GABBR2: variants seen among roughly 807,000 people sequenced by gnomAD.
GABBR2 encodes gamma-aminobutyric acid type B receptor subunit 2.
Under a neutral mutation model 105.6 loss-of-function variants are expected in GABBR2, and 23 were observed. The observed-to-expected ratio is 0.22, with a 90% CI of 0.16 to 0.31. The LOEUF (loss-of-function observed/expected upper bound fraction) is 0.31. Ranked by LOEUF, GABBR2 falls within the 10% of genes least tolerant of loss-of-function variation. The pLI is 1.00. For synonymous variants in GABBR2, 478 were observed against 499.7 expected (o/e 0.96, Z 0.58); for missense variants, 734 against 1,245.5 (o/e 0.59, Z 6.18).
At chr9:98,641,903 T>C (rs1448210490) in intron 1 of GABBR2, among the ~76,000 whole-genome samples, 1 of 152,150 alleles carries the variant, frequency 6.6e-6, no homozygotes, top group Non-Finnish European at 1.5e-5. Context: ...ATGTTAATTG[T>C]GCAGTAAGTA....
At chr9:98,417,718 CAG>C (rs1189505176) in intron 7 of GABBR2, among the ~76,000 whole-genome samples, 14 of 152,130 alleles carry the variant, frequency 9.2e-5, no homozygotes, top group African/African-American at 2.9e-4. Context: ...CCCAGTCTAA[CAG>C]AGATGACAGA....
intron 3 of GABBR2, among the ~76,000 whole-genome samples, chr9:98,513,187 A>G (rs1474195884): frequency 6.6e-6 from 1 of 152,052 alleles, no homozygotes; most frequent in African/African-American, 2.4e-5. Context: ...TGGTGCTGGG[A>G]AAACTGGCTA....
intron 1 of GABBR2, among the ~76,000 whole-genome samples, chr9:98,614,826 T>G (rs1288675804): frequency 1.3e-5 from 2 of 152,082 alleles, no homozygotes; most frequent in African/African-American, 4.8e-5. Context: ...AGATCAACCC[T>G]GCAGAACTTG....
intron 13 of GABBR2, among the ~76,000 whole-genome samples, chr9:98,360,018 C>G (rs1831554864): frequency 6.6e-6 from 1 of 152,176 alleles, no homozygotes; most frequent in Non-Finnish European, 1.5e-5. Context: ...ACAGCATGAG[C>G]AAAGGCTAGG....
chr9:98,294,048 G>A, intron 17 of GABBR2, 146 bp from the exon 18 acceptor site: 2 of 655,458 alleles, frequency 3.1e-6, no homozygotes, highest in Admixed American at 4.8e-5. Flanking sequence ...TGAGGTCTGT[G>A]TAGTGGCTCT....
At chr9:98,330,888 A>G (rs1831013623) in intron 13 of GABBR2, among the ~76,000 whole-genome samples, 2 of 152,082 alleles carry the variant, frequency 1.3e-5, no homozygotes, top group South Asian at 2.1e-4. Context: ...ACCCATATCC[A>G]TTAGCAATCA....
Position 98,460,893 on chromosome 9 carries a change from A to G in GABBR2, c.1000-6676T>C, listed in dbSNP as rs151059669. Among the ~76,000 whole-genome samples the G allele has an allele frequency of 1.0e-3, 157 of 152,286 alleles. 2 individuals carry two copies. The highest frequency in any genetic ancestry group is 3.5e-3 in the African/African-American group (147 of 41,556). On this transcript the variant is annotated intron_variant, in intron 6 of 18. Transcript: ENST00000259455. ...AGACCAAATCAAAAACAAAATCTTAAAATAACTAGAGGAAAAAAAGATGCA... is the reference window on the plus strand; with the variant it reads ...AGACCAAATCAAAAACAAAATCTTAGAATAACTAGAGGAAAAAAAGATGCA...
At chr9:98,406,060 A>G (rs765084888) in intron 8 of GABBR2, 21 bp downstream of exon 8, 17 of 1,323,450 alleles carry the variant, frequency 1.3e-5, no homozygotes, top group Admixed American at 6.9e-5. Context: ...AGCTAGAAAG[A>G]ATAAGCATCA....
intron 7 of GABBR2, among the ~76,000 whole-genome samples, chr9:98,434,387 G>T (rs1382407142): frequency 1.3e-5 from 2 of 152,138 alleles, no homozygotes; most frequent in Admixed American, 1.3e-4. Flanking sequence ...ACATGGTGGG[G>T]CTCAGGGCAC....
intron 2 of GABBR2, among the ~76,000 whole-genome samples, chr9:98,570,666 T>C (rs375930696): frequency 2.6e-5 from 4 of 152,028 alleles, no homozygotes; most frequent in African/African-American, 9.6e-5. Context: ...CCCCAAAAAC[T>C]GCAAACACAA....
Position 98,577,110 on chromosome 9 carries a change from G to A in GABBR2, c.459+825C>T, listed in dbSNP as rs1219022835. On this transcript the variant is annotated intron_variant, in intron 2 of 18. Transcript: ENST00000259455. ...TGTGTGGATGGATGGATAGCTGAAC[G>A]GGTGGATGGGTGGATGCATGGATGG... is the stretch of plus-strand genomic sequence containing the variant. Among the ~76,000 whole-genome samples the A allele has an allele frequency of 2.2e-5, 3 of 139,418 alleles. No homozygotes were observed. The Admixed American group carries it at 2.2e-4, about 10-fold the overall frequency. The allele number at this position is 139,418 out of a possible 152,430, so 91.5% of individuals were successfully genotyped here.
At chr9:98,479,124 C>A (rs1421703356) in intron 5 of GABBR2, among the ~76,000 whole-genome samples, 1 of 152,076 alleles carries the variant, frequency 6.6e-6, no homozygotes, top group Non-Finnish European at 1.5e-5. Flanking sequence ...GGTCCTCCTT[C>A]GATTTCAATG....
At chr9:98,416,686 G>C (rs1173722957) in intron 7 of GABBR2, among the ~76,000 whole-genome samples, 6 of 152,186 alleles carry the variant, frequency 3.9e-5, no homozygotes, top group African/African-American at 1.4e-4. Flanking sequence ...AGCTGTGCAG[G>C]GCTTCTCCTC....
At chr9:98,492,586 T>C (rs1011094136) in intron 4 of GABBR2, among the ~76,000 whole-genome samples, 1 of 152,150 alleles carries the variant, frequency 6.6e-6, no homozygotes, top group African/African-American at 2.4e-5. Context: ...TATTCCTGGA[T>C]CCCATCTAGA....
intron 13 of GABBR2, among the ~76,000 whole-genome samples, chr9:98,352,796 G>A (rs1831422677): frequency 6.6e-6 from 1 of 152,096 alleles, no homozygotes. Flanking sequence ...TGGGGCATAG[G>A]ACGCTGTGTG....
chr9:98,673,387 C>T (rs996162631), intron 1 of GABBR2, among the ~76,000 whole-genome samples: 2 of 151,864 alleles, frequency 1.3e-5, no homozygotes, highest in Non-Finnish European at 2.9e-5. Context: ...GTGCAGAGGA[C>T]AACTAATGAG....
At chr9:98,496,667 C>T (rs554376938) in intron 3 of GABBR2, among the ~76,000 whole-genome samples, 153 bp from the exon 4 acceptor site, 6 of 152,176 alleles carry the variant, frequency 3.9e-5, no homozygotes, top group East Asian at 1.9e-4. Context: ...TTAACTAGAC[C>T]GCCCCACAAA....
At position 98,454,555 on chromosome 9, in the gene GABBR2, T is replaced by C. The variant is rs867288541; in HGVS notation, c.1000-338A>G. ...CCTTTGCCTCTAAACTTGCAGGGCC[T>C]GGGGTGAGGTAGAGGCCCATATCCC... On this transcript the variant is annotated intron_variant, in intron 6 of 18. Coordinates refer to ENST00000259455, the MANE Select transcript of GABBR2 (RefSeq NM_005458.8). This position sits in a 1 kb window ranked among gnomAD's most constrained non-coding sequence, Gnocchi z 4.6. Among the ~76,000 whole-genome samples the C allele has an allele frequency of 8.5e-5, 13 of 152,314 alleles. No homozygotes were observed. The highest frequency in any genetic ancestry group is 3.1e-4 in the African/African-American group (13 of 41,580).
intron 9 of GABBR2, among the ~76,000 whole-genome samples, chr9:98,390,291 T>C (rs1832155847): frequency 1.4e-5 from 2 of 147,250 alleles, no homozygotes; most frequent in Non-Finnish European, 3.0e-5. Flanking sequence ...GGAAAATCGC[T>C]TGAACCCAGG....
Sources: allele counts gnomAD v4.1 joint callset (sites outside exome capture counted in the v4.1 genomes callset), GRCh38; gene constraint gnomAD v4.1.1; non-coding constraint Gnocchi (gnomAD v3.1); transcripts MANE v1.5; gene names NCBI Gene and HGNC (gene_info 2026-07-23, HGNC 2026-07-21).